The following TCAIM variants were observed in gnomAD, a reference collection of about 807,000 sequenced individuals.
The protein encoded by TCAIM is T cell activation inhibitor, mitochondrial.
Under a neutral mutation model 58.6 loss-of-function variants are expected in TCAIM, and 36 were observed. That is an observed-to-expected ratio of 0.61 (90% CI 0.47 to 0.81). The LOEUF is 0.81. Among genes scored for constraint, TCAIM ranks in the 30% least tolerant of loss-of-function variants. The probability of loss-of-function intolerance (pLI) is 0.00; values close to 1 mark genes in which losing one functional copy is unlikely to be tolerated. For missense variants in TCAIM, 466 were observed against 579.6 expected, an observed-to-expected ratio of 0.80 and a Z score of 2.01; for synonymous variants, 172 against 193.6, an observed-to-expected ratio of 0.89 and a Z score of 0.93.
chr3:44,386,517 C>T (rs1701745522), intron 5 of TCAIM, among the ~76,000 whole-genome samples: 1 of 152,242 alleles, frequency 6.6e-6, no homozygotes, highest in East Asian at 1.9e-4. Context: ...ACCCAGCCAC[C>T]CACTCTGGAC....
intron 5 of TCAIM, among the ~76,000 whole-genome samples, chr3:44,384,235 T>G (rs1156477826): frequency 6.6e-6 from 1 of 152,244 alleles, no homozygotes; most frequent in African/African-American, 2.4e-5. Flanking sequence ...TAATGATCCT[T>G]TTAAAATCCA....
intron 10 of TCAIM, among the ~76,000 whole-genome samples, chr3:44,401,857 A>G (rs1263771243): frequency 6.6e-6 from 1 of 151,612 alleles, no homozygotes; most frequent in East Asian, 2.0e-4. Context: ...ACATGGTGAA[A>G]CCCCATCTTT....
intron 6 of TCAIM, among the ~76,000 whole-genome samples, chr3:44,393,524 C>G (rs1415773487): frequency 6.6e-6 from 1 of 152,100 alleles, no homozygotes; most frequent in Non-Finnish European, 1.5e-5. Context: ...TGTTTAAGTA[C>G]TGACATTTTT....
intron 5 of TCAIM, among the ~76,000 whole-genome samples, chr3:44,391,748 A>T (rs554383748): frequency 8.9e-4 from 136 of 152,290 alleles, no homozygotes; most frequent in African/African-American, 3.1e-3. Flanking sequence ...GGACTAGGTT[A>T]CAGGGATGAG....
intron 4 of TCAIM, among the ~76,000 whole-genome samples, chr3:44,365,340 T>G (rs1701356994): frequency 6.6e-6 from 1 of 152,178 alleles, no homozygotes; most frequent in Non-Finnish European, 1.5e-5. Context: ...AATACTTTTT[T>G]TTTTTTTGAG....
chr3:44,397,856 C>A (rs137939301), intron 8 of TCAIM, among the ~76,000 whole-genome samples: 2 of 152,050 alleles, frequency 1.3e-5, no homozygotes, highest in African/African-American at 2.4e-5. Flanking sequence ...TTTAGTGAAG[C>A]GTCTGTTCAA....
At chr3:44,338,440 C>G (rs773997431), upstream of TCAIM, 1 of 152,292 alleles carries the variant, frequency 6.6e-6, no homozygotes, top group Admixed American at 6.5e-5. Context: ...TGGCTGTGCG[C>G]AGGCGCCGTA....
intron 5 of TCAIM, among the ~76,000 whole-genome samples, chr3:44,373,550 T>A (rs1701514974): frequency 6.7e-6 from 1 of 149,956 alleles, no homozygotes; most frequent in African/African-American, 2.5e-5. Context: ...GCTACTTGGG[T>A]GACTGAGGCA....
chr3:44,361,217 A>T, intron 3 of TCAIM, 148 bp from the exon 4 acceptor site: 1 of 636,372 alleles, frequency 1.6e-6, no homozygotes. Context: ...ATCCAATTTT[A>T]TCTTTTACCA....
chr3:44,396,522 A>C lies in TCAIM; in HGVS notation c.793+25A>C, dbSNP rs1429366954. 5.6e-6 allele frequency: 9 copies of C among 1,598,488 alleles called. No homozygotes were observed. In the African/African-American group the frequency reaches 1.2e-4, roughly 21 times the overall value. ...GGTAAACATTTTCCATTTTCTTTTA[A>C]AAAATCACTTAGCTGCTATGTACGT... On this transcript the variant is annotated intron_variant, in intron 7 of 10. Coordinates refer to ENST00000342649, the MANE Select transcript of TCAIM (RefSeq NM_173826.4).
rs1356697736 is a variant in TCAIM at position 44,400,319 on chromosome 3, A to G, written c.886-36A>G. Reference sequence around the variant, plus strand: ...AAAATTAAATTATTATAGTAACATAAAACTAATTATTTCTTTCCCTTTGTT... The same window carrying G: ...AAAATTAAATTATTATAGTAACATAGAACTAATTATTTCTTTCCCTTTGTT... On this transcript the variant is annotated intron_variant, in intron 8 of 10. Transcript: ENST00000342649. The G allele has an allele frequency of 2.0e-6, 3 of 1,493,764 alleles. No homozygotes were observed. The South Asian group carries it at 3.6e-5, about 18-fold the overall frequency. The allele number at this position is 1,493,764 out of a possible 1,614,324, so 92.5% of individuals were successfully genotyped here.
chr3:44,358,213 T>TA, intron 3 of TCAIM: 2 of 1,550,248 alleles, frequency 1.3e-6, no homozygotes, highest in South Asian at 1.2e-5. Flanking sequence ...TTTTTTTTTT[T>TA]AAGGATGATA....
At chr3:44,398,787 T>C (rs1200638208) in intron 8 of TCAIM, among the ~76,000 whole-genome samples, 1 of 152,192 alleles carries the variant, frequency 6.6e-6, no homozygotes, top group Admixed American at 6.5e-5. Context: ...TTCTTCAGTG[T>C]GTGAATAGCT....
intron 5 of TCAIM, among the ~76,000 whole-genome samples, chr3:44,372,009 AG>A (rs1701479177): frequency 8.7e-6 from 1 of 115,508 alleles, no homozygotes; most frequent in Admixed American, 9.3e-5. Context: ...AGAGAAAGAG[AG>A]AAGGAAGGAA....
Position 44,397,973 on chromosome 3 carries a change from C to A in TCAIM, c.885+1139C>A, listed in dbSNP as rs553197930. Among the ~76,000 whole-genome samples, 6 of 151,126 alleles carry A rather than the reference C, an allele frequency of 4.0e-5. No individual in the cohort carries two copies. In the South Asian group the frequency reaches 1.0e-3, roughly 26 times the overall value. On this transcript the variant is annotated intron_variant, in intron 8 of 10. Coordinates refer to ENST00000342649, the MANE Select transcript of TCAIM (RefSeq NM_173826.4). ...CAAATTTCAGCAGGAAGAGAAAAAACCAATCCAACTAAAAAAGGGCAATCT... is the reference window on the plus strand; with the variant it reads ...CAAATTTCAGCAGGAAGAGAAAAAAACAATCCAACTAAAAAAGGGCAATCT...
At chr3:44,383,131 T>G (rs1009305635) in intron 5 of TCAIM, among the ~76,000 whole-genome samples, 2 of 152,218 alleles carry the variant, frequency 1.3e-5, no homozygotes, top group African/African-American at 4.8e-5. Flanking sequence ...CCTTATGCAC[T>G]GTTGGTGGAA....
At chr3:44,362,786 T>A (rs1167755191) in intron 4 of TCAIM, 1 of 180,148 alleles carries the variant, frequency 5.6e-6, no homozygotes, top group African/African-American at 2.3e-5. Flanking sequence ...TACATGAATG[T>A]GCTGTTCCTA....
intron 3 of TCAIM, 135 bp from the exon 4 acceptor site, chr3:44,361,230 G>C: frequency 1.4e-6 from 1 of 710,152 alleles, no homozygotes; most frequent in Non-Finnish European, 2.1e-6. Flanking sequence ...TTTTACCAAA[G>C]AGCTATGAAA....
chr3:44,379,369 GT>G (rs1701619519), intron 5 of TCAIM, among the ~76,000 whole-genome samples: 1 of 152,064 alleles, frequency 6.6e-6, no homozygotes, highest in South Asian at 2.1e-4. Flanking sequence ...TCACTACGGG[GT>G]TTATACCCAA....
Sources: allele counts gnomAD v4.1 joint callset (sites outside exome capture counted in the v4.1 genomes callset), GRCh38; gene constraint gnomAD v4.1.1; transcripts MANE v1.5; gene names NCBI Gene and HGNC (gene_info 2026-07-23, HGNC 2026-07-21).